Variants in FANCG observed in about 807,000 individuals in gnomAD.
FANCG encodes FA complementation group G, also known as Fanconi anemia group G protein.
Under a neutral mutation model 73.3 loss-of-function variants are expected in FANCG, and 67 were observed. That is an observed-to-expected ratio of 0.91 (90% CI 0.75 to 1.12). FANCG has a LOEUF of 1.12. Ranked by LOEUF, FANCG falls within the 50% of genes most tolerant of loss-of-function variation. The pLI is 0.00. For missense variants in FANCG, 643 were observed against 735.6 expected, an observed-to-expected ratio of 0.87 and a Z score of 1.46; for synonymous variants, 297 against 311.6, an observed-to-expected ratio of 0.95 and a Z score of 0.49.
Position 35,079,482 on chromosome 9 carries a change from G to A in FANCG, c.43C>T (p.Leu15=). 1.9e-6 allele frequency: 3 copies of A among 1,614,158 alleles called. No homozygotes were observed. The highest frequency in any genetic ancestry group is 2.5e-6 in the Non-Finnish European group (3 of 1,180,036). The change falls in exon 1 of 14, where the codon CTG becomes TTG. Residue 15 remains leucine, a synonymous_variant. Coordinates refer to ENST00000378643, the MANE Select transcript of FANCG (RefSeq NM_004629.2). The part of the protein sequence containing the change: ...TTSVGSSCLD[L]WREKNDRLVR... ...AGCCGGTCATTCTTTTCCCTCCACA[G>A]GTCCAGGCAGCTGGAGCCCACAGAG... is the stretch of plus-strand genomic sequence containing the variant.
At chr9:35,074,302 C>T in intron 13 of FANCG, 69 bp downstream of exon 13, 1 of 1,613,756 alleles carries the variant, frequency 6.2e-7, no homozygotes, top group South Asian at 1.1e-5. Context: ...GTTCACCACC[C>T]ACAATAGGTC....
chr9:35,077,157 G>C lies in FANCG; in HGVS notation c.647-56C>G, dbSNP rs949627418. 4.3e-6 allele frequency: 7 copies of C among 1,614,054 alleles called. No homozygotes were observed. The East Asian group carries it at 1.6e-4, about 36-fold the overall frequency. ...GGGCTATAGAGCAGGGGTCATGATG[G>C]GGAACAAGGGTCTAAGAAGCCCATG... On this transcript the variant is annotated intron_variant, in intron 5 of 13. Transcript: ENST00000378643.
intron 7 of FANCG, 55 bp downstream of exon 7, chr9:35,076,669 A>C (rs1829090141): frequency 6.2e-7 from 1 of 1,614,030 alleles, no homozygotes; most frequent in South Asian, 1.1e-5. Flanking sequence ...AAGTCACCCC[A>C]TCACAAGCAC....
In FANCG at chr9:35,079,555, G is replaced by T. The variant is rs1389352323; in HGVS notation, c.-31C>A. The T allele has an allele frequency of 1.9e-6, 3 of 1,611,366 alleles. No homozygotes were observed. The East Asian group carries it at 6.7e-5, about 36-fold the overall frequency. On this transcript the variant is annotated 5_prime_UTR_variant, in exon 1 of 14. Transcript: ENST00000378643. Reference sequence around the variant, plus strand: ...CCGAGGCTGGGCCCGGAGACCAGAAGCGGACTTAGGAAGGGTGAAGCTGGC... The same window carrying T: ...CCGAGGCTGGGCCCGGAGACCAGAATCGGACTTAGGAAGGGTGAAGCTGGC...
chr9:35,079,526 G>T lies in FANCG; in HGVS notation c.-2C>A. ...CACAGAGGTGGTCTGGCGGGACATG[G>T]TGGCCGAGGCTGGGCCCGGAGACCA... On this transcript the variant is annotated 5_prime_UTR_variant, in exon 1 of 14. Coordinates refer to ENST00000378643, the MANE Select transcript of FANCG (RefSeq NM_004629.2). 1 of 1,614,020 alleles carries T rather than the reference G, an allele frequency of 6.2e-7. No individual in the cohort carries two copies. Among genetic ancestry groups the T allele is most frequent in the Non-Finnish European group, 8.5e-7 (1 of 1,180,028 alleles).
rs1829026672 is a variant in FANCG at position 35,073,956 on chromosome 9, A to C, written c.*152T>G. The C allele has an allele frequency of 8.4e-6, 6 of 716,212 alleles. No homozygotes were observed. The allele number at this position is 716,212 out of a possible 1,614,324, so 44.4% of individuals were successfully genotyped here. ...TTCCTCCAAAACGAGAATGGTAGTA[A>C]CTAGGGCAAATTTCACAGGCCTACC... On this transcript the variant is annotated 3_prime_UTR_variant, in exon 14 of 14. Coordinates refer to ENST00000378643, the MANE Select transcript of FANCG (RefSeq NM_004629.2).
At position 35,075,081 on chromosome 9, in the gene FANCG, C is replaced by T. The variant is rs1196684565; in HGVS notation, c.1482G>A (p.Gly494=). The change falls in exon 12 of 14, where the codon GGG becomes GGA. Residue 494 remains glycine, a splice_region_variant and synonymous_variant. Coordinates refer to ENST00000378643, the MANE Select transcript of FANCG (RefSeq NM_004629.2). ...ATCCCTGCTCACAGTTGAAAGCTGC[C>T]CCTGGGGACCACTCCCAAAGTCAAG... ...FRATPEEKEQ[G]AAFNCEQGCK... 3.1e-6 allele frequency: 5 copies of T among 1,613,842 alleles called. No homozygotes were observed. Among genetic ancestry groups the T allele is most frequent in the Admixed American group, 1.7e-5 (1 of 60,002 alleles).
At chr9:35,079,078 C>A in intron 2 of FANCG, 73 bp downstream of exon 2, 1 of 1,339,530 alleles carries the variant, frequency 7.5e-7, no homozygotes. Flanking sequence ...ATATCGATCC[C>A]AAAAACGCAG....
intron 11 of FANCG, 58 bp downstream of exon 11, chr9:35,075,221 C>A: frequency 1.9e-6 from 3 of 1,606,926 alleles, no homozygotes; most frequent in Non-Finnish European, 1.7e-6. Flanking sequence ...TTAAAGGGAA[C>A]CCACTTCCAC....
Position 35,074,616 on chromosome 9 carries a change from C to T in FANCG, c.1637-122G>A, listed in dbSNP as rs182660810. ...TCTTGCCTACACTCACATATGGAAG[C>T]GGGGGCAGATCATTCACAACCATTC... On this transcript the variant is annotated intron_variant, in intron 12 of 13. Coordinates refer to ENST00000378643, the MANE Select transcript of FANCG (RefSeq NM_004629.2). 23 of 1,324,564 alleles carry T rather than the reference C, an allele frequency of 1.7e-5. 1 individual carries two copies. The highest frequency in any genetic ancestry group is 1.4e-4 in the African/African-American group (10 of 68,974). 82.1% of individuals were successfully genotyped at this position (1,324,564 alleles called of 1,614,324 possible). A position where few individuals can be genotyped will look rare whatever the true frequency, so the allele number is the denominator to read the frequency against.
In FANCG at chr9:35,079,514, T is replaced by A; in HGVS notation, c.11A>T (p.Gln4Leu). The A allele has an allele frequency of 6.2e-7, 1 of 1,614,046 alleles. No homozygotes were observed. The highest frequency in any genetic ancestry group is 8.5e-7 in the Non-Finnish European group (1 of 1,180,024). Residue 4 changes from glutamine (Q) to leucine (L), a missense_variant, in exon 1 of 14, where the codon CAG becomes CTG. By Grantham distance (113) the Gln-to-Leu change is moderately radical. Coordinates refer to ENST00000378643, the MANE Select transcript of FANCG (RefSeq NM_004629.2). MSR[Q>L]TTSVGSSCLD... is the part of the protein sequence containing the mutation. ...GCAGCTGGAGCCCACAGAGGTGGTC[T>A]GGCGGGACATGGTGGCCGAGGCTGG... is the stretch of plus-strand genomic sequence containing the variant.
rs56405035 is a variant in FANCG at position 35,074,069 on chromosome 9, C to T, written c.*39G>A. ...AAAGCCCTCCCCACAGAGAGACAGC[C>T]CACTGGGGACCCAGCTCAAGCTCTT... On this transcript the variant is annotated 3_prime_UTR_variant, in exon 14 of 14. Transcript: ENST00000378643. 17 of 1,450,952 alleles carry T rather than the reference C, an allele frequency of 1.2e-5. No homozygotes were observed. In the African/African-American group the frequency reaches 2.2e-4, roughly 19 times the overall value. 89.9% of individuals were successfully genotyped at this position (1,450,952 alleles called of 1,614,324 possible). A position where few individuals can be genotyped will look rare whatever the true frequency, so the allele number is the denominator to read the frequency against.
chr9:35,078,225 C>T lies in FANCG; in HGVS notation c.426G>A (p.Leu142=). 1 of 1,614,200 alleles carries T rather than the reference C, an allele frequency of 6.2e-7. No individual in the cohort carries two copies. Among genetic ancestry groups the T allele is most frequent in the Non-Finnish European group, 8.5e-7 (1 of 1,180,038 alleles). The change falls in exon 4 of 14, where the codon CTG becomes CTA. Residue 142 remains leucine (L), a synonymous_variant. Coordinates refer to ENST00000378643, the MANE Select transcript of FANCG (RefSeq NM_004629.2). ...ACCAGAGGGCAGCCTGCAGGCCAAC[C>T]AGGCGGTGCAGGGCAGACAGCAGCT... The part of the protein sequence containing the change: ...LPELLSALHR[L]VGLQAALWLS...
In FANCG at chr9:35,079,257, G is replaced by C; in HGVS notation, c.85-16C>G. On this transcript the variant is annotated splice_polypyrimidine_tract_variant and intron_variant, in intron 1 of 13. Transcript: ENST00000378643. ...TCTGAGCCACCTGCCACATGAGGGAGGGGTTGTCACTGAGGATCAATCCTT... is the reference window on the plus strand; with the variant it reads ...TCTGAGCCACCTGCCACATGAGGGACGGGTTGTCACTGAGGATCAATCCTT... The C allele has an allele frequency of 6.2e-7, 1 of 1,603,098 alleles. No individual in the cohort carries two copies.
At chr9:35,077,529 C>T (rs1010284378) in intron 4 of FANCG, 130 bp from the exon 5 acceptor site, 4 of 1,109,988 alleles carry the variant, frequency 3.6e-6, no homozygotes, top group Admixed American at 3.6e-5. Context: ...CTCAGCTACC[C>T]TTACAAAGCA....
Position 35,078,121 on chromosome 9 carries a change from C to G in FANCG, c.510+20G>C. On this transcript the variant is annotated intron_variant, in intron 4 of 13. Transcript: ENST00000378643. ...GAAGGAAGGAGGAGACCCTCAGCTT[C>G]AGGTCACTTTCCCTATTACCTGGCT... 6.2e-7 allele frequency: 1 copy of G among 1,610,028 alleles called. No individual in the cohort carries two copies. The highest frequency in any genetic ancestry group is 8.5e-7 in the Non-Finnish European group (1 of 1,176,412).
chr9:35,077,368 A>C lies in FANCG; in HGVS notation c.542T>G (p.Leu181Arg). Residue 181 changes from leucine (L) to arginine (R), a missense_variant, in exon 5 of 14, where the codon CTG becomes CGG. Transcript: ENST00000378643. The stretch of plus-strand genomic sequence containing the variant: ...CTCAGCTGGGGGACTCCAAGTTTTC[A>C]GAAGTAACAGCAGATCCTTAGAGGC... ...SGASKDLLLLLKTWSPPAEEL... is the reference protein window; with the variant it reads ...SGASKDLLLLRKTWSPPAEEL... The C allele has an allele frequency of 6.2e-7, 1 of 1,614,144 alleles. No homozygotes were observed. Among genetic ancestry groups the C allele is most frequent in the Non-Finnish European group, 8.5e-7 (1 of 1,180,018 alleles).
Position 35,074,408 on chromosome 9 carries a change from C to T in FANCG, c.1723G>A (p.Glu575Lys). 6.2e-7 allele frequency: 1 copy of T among 1,614,178 alleles called. No homozygotes were observed. ...TCATGTGACCCCTTAGTTTGGGCCTCCAGCCTCCACCAGAGTGCAGTGGCC... is the reference window on the plus strand; with the variant it reads ...TCATGTGACCCCTTAGTTTGGGCCTTCAGCCTCCACCAGAGTGCAGTGGCC... ...DEATALWWRLEAQTKGSHEDA... is the reference protein window; with the variant it reads ...DEATALWWRLKAQTKGSHEDA... Residue 575 changes from glutamate (E) to lysine (K), a missense_variant, in exon 13 of 14, where the codon GAG becomes AAG. Glu to Lys is a moderately conservative substitution (Grantham distance 56, BLOSUM62 1). Transcript: ENST00000378643.
Position 35,075,563 on chromosome 9 carries a change from C to T in FANCG, c.1335G>A (p.Leu445=), listed in dbSNP as rs780612204. Residue 445 remains leucine (L), a synonymous_variant, in exon 10 of 14, where the codon CTG becomes CTA. Coordinates refer to ENST00000378643, the MANE Select transcript of FANCG (RefSeq NM_004629.2). ...CAGAGACCCAGAGTGGGCAGTATGG[C>T]AGTTCCTTGGTTCCTTTTCTGGCAT... is the stretch of plus-strand genomic sequence containing the variant. The part of the protein sequence containing the change: ...WEDARKGTKE[L]PYCPLWVSAT... 31 of 1,614,006 alleles carry T rather than the reference C, an allele frequency of 1.9e-5. No homozygotes were observed. Among genetic ancestry groups the T allele is most frequent in the Non-Finnish European group, 2.5e-5 (30 of 1,180,012 alleles).
Sources: allele counts gnomAD v4.1 joint callset, GRCh38; gene constraint gnomAD v4.1.1; transcripts MANE v1.5; gene names NCBI Gene and HGNC (gene_info 2026-07-23, HGNC 2026-07-21).